Variants in SUN1 observed in about 807,000 individuals in gnomAD.
SUN1 encodes SUN domain-containing protein 1.
A neutral mutation model predicts 103.2 loss-of-function variants in SUN1; 61 were observed. The observed-to-expected ratio is 0.59, with a 90% CI of 0.48 to 0.73. The LOEUF (loss-of-function observed/expected upper bound fraction) is 0.73. SUN1 is among the 30% of genes least tolerant of loss of function. The pLI, the probability that SUN1 is intolerant of heterozygous loss-of-function variation, is 0.00. For missense variants in SUN1, 1,052 were observed against 1,034.6 expected, an observed-to-expected ratio of 1.02 and a Z score of -0.23; for synonymous variants, 490 against 425.7, an observed-to-expected ratio of 1.15 and a Z score of -1.86.
upstream of SUN1, among the ~76,000 whole-genome samples, chr7:828,014 G>A (rs975013909): frequency 1.1e-4 from 17 of 149,092 alleles, no homozygotes; most frequent in East Asian, 4.1e-4. Flanking sequence ...AGTGATTCTC[G>A]TGCCTCAGCC....
intron 1 of SUN1, among the ~76,000 whole-genome samples, chr7:826,020 C>G (rs899346348): frequency 1.3e-5 from 2 of 152,002 alleles, no homozygotes; most frequent in African/African-American, 4.8e-5. Context: ...AGGAAAATCG[C>G]TTGAGGCCAG....
chr7:852,200 A>G (rs1435159550), intron 7 of SUN1, 157 bp downstream of exon 7: 1 of 695,418 alleles, frequency 1.4e-6, no homozygotes, highest in Non-Finnish European at 2.4e-6. Context: ...TTATTTTTCA[A>G]ACCAACCTGT....
chr7:838,730 T>A, intron 1 of SUN1, 68 bp from the exon 2 acceptor site: 1 of 1,401,150 alleles, frequency 7.1e-7, no homozygotes, highest in Admixed American at 2.8e-5. Context: ...CAGTTTATGG[T>A]TTGTTCATTT....
intron 2 of SUN1, 114 bp downstream of exon 2, chr7:839,100 T>G (rs1054461718): frequency 2.8e-6 from 3 of 1,080,728 alleles, no homozygotes; most frequent in Non-Finnish European, 3.8e-6. Context: ...GATATGTGTG[T>G]GTATGTGCGT....
At chr7:821,395 C>G (rs1189062559) in intron 1 of SUN1, among the ~76,000 whole-genome samples, 1 of 152,050 alleles carries the variant, frequency 6.6e-6, no homozygotes, top group Non-Finnish European at 1.5e-5. Context: ...ATCTTGATCT[C>G]TTGACCTCGT....
At chr7:840,674 C>G (rs561117096) in intron 2 of SUN1, among the ~76,000 whole-genome samples, 1 of 141,338 alleles carries the variant, frequency 7.1e-6, no homozygotes, top group Non-Finnish European at 1.5e-5. Context: ...CGGAGTCTCA[C>G]TCTGTCTCCC....
Position 842,109 on chromosome 7 carries a change from A to G in SUN1, c.430A>G (p.Thr144Ala). The change falls in exon 3 of 19, where the codon ACC becomes GCC. Residue 144 changes from threonine (T) to alanine (A), a missense_variant. This residue lies in a region of SUN1 where 846 missense variants were observed against 774.5 expected (regional missense o/e 1.09). Coordinates refer to ENST00000401592, the MANE Select transcript of SUN1 (RefSeq NM_001130965.3). ...GGACGAGTCTTGGATTCGTGAACAG[A>G]CCACAGTGGACCACTTCTGGGGTGA... Reference protein sequence around the residue: ...VLDESWIREQTTVDHFWGLDD... With the variant: ...VLDESWIREQATVDHFWGLDD... The G allele has an allele frequency of 6.2e-7, 1 of 1,613,962 alleles. No homozygotes were observed. Among genetic ancestry groups the G allele is most frequent in the Non-Finnish European group, 8.5e-7 (1 of 1,179,828 alleles).
chr7:845,895 C>A (rs549781034), intron 5 of SUN1, among the ~76,000 whole-genome samples: 2 of 152,182 alleles, frequency 1.3e-5, no homozygotes, highest in African/African-American at 4.8e-5. Flanking sequence ...TCGTTGGCCT[C>A]CCCAGTGCTG....
intron 2 of SUN1, among the ~76,000 whole-genome samples, chr7:841,244 ATTT>A (rs370665607): frequency 3.3e-5 from 4 of 120,092 alleles, no homozygotes; most frequent in East Asian, 2.4e-4. Context: ...ATGACCACCT[ATTT>A]TTTTTTTTTT....
intron 16 of SUN1, among the ~76,000 whole-genome samples, chr7:867,771 G>A (rs1434038493): frequency 6.6e-6 from 1 of 152,226 alleles, no homozygotes; most frequent in Non-Finnish European, 1.5e-5. Context: ...GGACCAAGGT[G>A]GAGCCTCGCC....
chr7:855,213 G>A lies in SUN1; in HGVS notation c.1350+207G>A, dbSNP rs896698728. Among the ~76,000 whole-genome samples, 3 of 152,206 alleles carry A rather than the reference G, an allele frequency of 2.0e-5. No individual in the cohort carries two copies. In the East Asian group the frequency reaches 5.8e-4, roughly 29 times the overall value. ...TCGGGTGTGTAACTCACGCATCCCC[G>A]TGTCTCTCGAGGGCACAGAGCAGGG... On this transcript the variant is annotated intron_variant, in intron 11 of 18. Coordinates refer to ENST00000401592, the MANE Select transcript of SUN1 (RefSeq NM_001130965.3).
intron 16 of SUN1, among the ~76,000 whole-genome samples, 169 bp downstream of exon 16, chr7:866,236 G>C (rs539580998): frequency 1.3e-5 from 2 of 152,296 alleles, no homozygotes; most frequent in South Asian, 4.1e-4. Context: ...CGGTGTCCCC[G>C]TGTAGCCTCC....
chr7:835,228 C>T (rs1801898403), intron 1 of SUN1, among the ~76,000 whole-genome samples: 1 of 152,278 alleles, frequency 6.6e-6, no homozygotes, highest in Non-Finnish European at 1.5e-5. Flanking sequence ...GCCTCTGCGA[C>T]TGGTGCTTCA....
At chr7:835,230 G>A (rs1227979897) in intron 1 of SUN1, among the ~76,000 whole-genome samples, 2 of 152,256 alleles carry the variant, frequency 1.3e-5, no homozygotes, top group African/African-American at 2.4e-5. Context: ...CTCTGCGACT[G>A]GTGCTTCAGT....
chr7:820,908 AT>A (rs1238250379), intron 1 of SUN1, among the ~76,000 whole-genome samples: 2 of 152,088 alleles, frequency 1.3e-5, no homozygotes, highest in African/African-American at 2.4e-5. Flanking sequence ...TAGTGCCACT[AT>A]TTTTGGAGCC....
chr7:832,128 A>G (rs900322259), upstream of SUN1: 8 of 998,130 alleles, frequency 8.0e-6, no homozygotes, highest in Admixed American at 3.2e-4. Context: ...TAGTAAAATA[A>G]AAACTGATTT....
At chr7:851,249 T>C in intron 5 of SUN1, 135 bp from the exon 6 acceptor site, 1 of 633,196 alleles carries the variant, frequency 1.6e-6, no homozygotes, top group Non-Finnish European at 2.7e-6. Flanking sequence ...TGGCTTTTCA[T>C]ATTTTTTGAG....
Position 852,854 on chromosome 7 carries a change from C to G in SUN1, c.955C>G (p.Pro319Ala), listed in dbSNP as rs764741328. The stretch of plus-strand genomic sequence containing the variant: ...CCAGGGCAATTTCTTTTCGTTCTTG[C>G]CCGTGTTGAACTGGGCAAGCATGCA... Reference protein sequence around the residue: ...RGQGNFFSFLPVLNWASMHRT... With the variant: ...RGQGNFFSFLAVLNWASMHRT... Residue 319 changes from proline to alanine, a missense_variant, in exon 9 of 19, where the codon CCC becomes GCC. Around this residue, in one of 2 missense-constraint regions of SUN1, gnomAD observed 846 missense variants for 774.5 expected, o/e 1.09. Coordinates refer to ENST00000401592, the MANE Select transcript of SUN1 (RefSeq NM_001130965.3). 6.2e-7 allele frequency: 1 copy of G among 1,613,816 alleles called. No homozygotes were observed. The highest frequency in any genetic ancestry group is 8.5e-7 in the Non-Finnish European group (1 of 1,179,806).
intron 17 of SUN1, among the ~76,000 whole-genome samples, chr7:871,555 C>T (rs56278067): frequency 0.16 from 23,611 of 152,110 alleles, 2,015 homozygotes; most frequent in African/African-American, 0.18. Context: ...ACCTGGCTAA[C>T]TTTTTGTAGT....
Sources: allele counts gnomAD v4.1 joint callset (sites outside exome capture counted in the v4.1 genomes callset), GRCh38; gene constraint gnomAD v4.1.1; regional missense constraint gnomAD v4.1.1; transcripts MANE v1.5; gene names NCBI Gene and HGNC (gene_info 2026-07-23, HGNC 2026-07-21).